LIPA: variants seen among roughly 807,000 people sequenced by gnomAD.
The protein encoded by LIPA is lipase A, lysosomal acid type, also known as lysosomal acid lipase/cholesteryl ester hydrolase.
LIPA carries 26 observed loss-of-function variants against 40.6 expected under a neutral mutation model. The observed-to-expected ratio is 0.64, with a 90% CI of 0.47 to 0.89. The LOEUF (loss-of-function observed/expected upper bound fraction) is 0.89, where lower values mean the gene tolerates loss of function less well. Ranked by LOEUF, LIPA falls within the 40% of genes least tolerant of loss-of-function variation. LIPA has a pLI of 0.00. For missense variants in LIPA, 455 were observed against 479.6 expected, an observed-to-expected ratio of 0.95 and a Z score of 0.48; for synonymous variants, 188 against 168.4, an observed-to-expected ratio of 1.12 and a Z score of -0.90.
At chr10:89,345,570 A>G (rs1843913842), upstream of LIPA, among the ~76,000 whole-genome samples, 1 of 150,814 alleles carries the variant, frequency 6.6e-6, no homozygotes, top group Non-Finnish European at 1.5e-5. Flanking sequence ...AAATAAATAA[A>G]GGAACAATAG....
intron 2 of LIPA, chr10:89,392,548 A>G (rs1844271196): frequency 1.0e-5 from 4 of 395,842 alleles, no homozygotes; most frequent in Admixed American, 4.6e-5. Context: ...TCCAACTTGC[A>G]AGGACACACC....
At chr10:89,364,677 G>GTA (rs1193567329) in intron 2 of LIPA, among the ~76,000 whole-genome samples, 1 of 148,812 alleles carries the variant, frequency 6.7e-6, no homozygotes, top group African/African-American at 2.5e-5. Context: ...TATATATATA[G>GTA]TATATATATA....
chr10:89,382,676 C>T (rs1311052890), intron 2 of LIPA, among the ~76,000 whole-genome samples: 2 of 152,204 alleles, frequency 1.3e-5, no homozygotes, highest in African/African-American at 4.8e-5. Context: ...CTTCTGTCCC[C>T]ATCAGTAAGG....
chr10:89,289,387 G>T (rs1843359183), intron 1 of LIPA, among the ~76,000 whole-genome samples: 1 of 152,120 alleles, frequency 6.6e-6, no homozygotes, highest in Non-Finnish European at 1.5e-5. Context: ...GGAATGTTCA[G>T]GCCCCCTCCC....
chr10:89,395,749 C>T (rs1844334057), intron 2 of LIPA, among the ~76,000 whole-genome samples: 1 of 151,884 alleles, frequency 6.6e-6, no homozygotes, highest in Non-Finnish European at 1.5e-5. Flanking sequence ...GACCAAATAC[C>T]CTGAAGCTCT....
chr10:89,355,638 A>C (rs761325727), intron 2 of LIPA, among the ~76,000 whole-genome samples: 2 of 152,226 alleles, frequency 1.3e-5, no homozygotes, highest in African/African-American at 2.4e-5. Context: ...TCATAGGATG[A>C]CATAGGAGGT....
intron 3 of LIPA, among the ~76,000 whole-genome samples, chr10:89,244,772 T>C (rs1309126698): frequency 2.0e-5 from 3 of 152,146 alleles, no homozygotes; most frequent in Non-Finnish European, 4.4e-5. Context: ...TATGTATATA[T>C]ATACTTTTTA....
upstream of LIPA, among the ~76,000 whole-genome samples, chr10:89,347,697 GAT>G (rs1354860857): frequency 2.0e-5 from 3 of 152,134 alleles, no homozygotes; most frequent in Admixed American, 2.0e-4. Flanking sequence ...AAACAAATCT[GAT>G]TAATTATAAA....
At chr10:89,228,897 A>T (rs1842805397) in intron 3 of LIPA, among the ~76,000 whole-genome samples, 1 of 152,242 alleles carries the variant, frequency 6.6e-6, no homozygotes, top group African/African-American at 2.4e-5. Flanking sequence ...ACTCTCATTC[A>T]TTGCTGGTGG....
intron 1 of LIPA, among the ~76,000 whole-genome samples, chr10:89,275,671 C>CA (rs1239085594): frequency 6.6e-6 from 1 of 152,206 alleles, no homozygotes; most frequent in Non-Finnish European, 1.5e-5. Flanking sequence ...AATACACAAT[C>CA]AGAGATATCG....
At chr10:89,251,495 G>A (rs1029822385) in intron 1 of LIPA, among the ~76,000 whole-genome samples, 6 of 96,618 alleles carry the variant, frequency 6.2e-5, no homozygotes, top group Non-Finnish European at 1.2e-4. Context: ...ACAGCGCCCA[G>A]GGAAGAGAGT....
At chr10:89,414,480 C>A (rs1274106153) in exon 1 of LIPA, 6 of 352,742 alleles carry the variant, frequency 1.7e-5, no homozygotes, top group Non-Finnish European at 3.0e-5. Context: ...AGACCCTGGA[C>A]TCCGCAAACG....
chr10:89,387,683 G>C (rs1844220126), intron 2 of LIPA, among the ~76,000 whole-genome samples: 1 of 152,174 alleles, frequency 6.6e-6, no homozygotes, highest in South Asian at 2.1e-4. Flanking sequence ...TTTATATTTA[G>C]AAAAGCAATC....
intron 2 of LIPA, among the ~76,000 whole-genome samples, chr10:89,409,944 T>C (rs554087003): frequency 6.6e-6 from 1 of 152,254 alleles, no homozygotes; most frequent in Admixed American, 6.5e-5. Context: ...AACCCTGAAG[T>C]CTGGGCATTG....
rs1167687220 is a variant in LIPA, at chr10:89,214,545, A to C, written c.*283T>G. Reference sequence around the variant, plus strand: ...ATTTTAAATTTTAAAAACAGAATGGATATAATGACCTTTTTACACATCAGT... The same window carrying C: ...ATTTTAAATTTTAAAAACAGAATGGCTATAATGACCTTTTTACACATCAGT... On this transcript the variant is annotated 3_prime_UTR_variant, in exon 10 of 10. Transcript: ENST00000336233. 3.2e-5 allele frequency: 10 copies of C among 314,994 alleles called. No homozygotes were observed. In the East Asian group the frequency reaches 6.8e-4, roughly 21 times the overall value. The allele number at this position is 314,994 out of a possible 1,614,324, so 19.5% of individuals were successfully genotyped here.
In LIPA at chr10:89,390,453, A is replaced by T. The variant is rs376850523; in HGVS notation, c.61+22338T>A. Among the ~76,000 whole-genome samples the T allele has an allele frequency of 2.0e-5, 3 of 152,330 alleles. No individual in the cohort carries two copies. In the East Asian group the frequency reaches 5.8e-4, roughly 29 times the overall value. Reference sequence around the variant, plus strand: ...TTCCAAATGACTTCTCAGCTGAGGAAATTGAGATTCATAGAGGTGAAGCAG... The same window carrying T: ...TTCCAAATGACTTCTCAGCTGAGGATATTGAGATTCATAGAGGTGAAGCAG... On this transcript the variant is annotated intron_variant, in intron 2 of 8. Transcript: ENST00000371837.
At chr10:89,239,125 A>G (rs1322512979) in intron 3 of LIPA, among the ~76,000 whole-genome samples, 1 of 152,216 alleles carries the variant, frequency 6.6e-6, no homozygotes, top group Non-Finnish European at 1.5e-5. Flanking sequence ...CAGATAAGTC[A>G]CCTAACAGCT....
chr10:89,238,296 CA>C (rs1842929159), intron 3 of LIPA, among the ~76,000 whole-genome samples: 1 of 152,130 alleles, frequency 6.6e-6, no homozygotes, highest in Non-Finnish European at 1.5e-5. Context: ...TCTAAAACAG[CA>C]CCAGACGATG....
chr10:89,384,922 G>C (rs979240408), intron 2 of LIPA: 8 of 568,230 alleles, frequency 1.4e-5, no homozygotes, highest in Admixed American at 3.3e-5. Flanking sequence ...TAAATGATCA[G>C]GAAAGGCCTT....
Sources: allele counts gnomAD v4.1 joint callset (sites outside exome capture counted in the v4.1 genomes callset), GRCh38; gene constraint gnomAD v4.1.1; transcripts MANE v1.5; gene names NCBI Gene and HGNC (gene_info 2026-07-23, HGNC 2026-07-21).